CPNE4: variants seen among roughly 807,000 people sequenced by gnomAD.
The protein encoded by CPNE4 is copine 4.
A neutral mutation model predicts 67.9 loss-of-function variants in CPNE4; 25 were observed. The observed-to-expected ratio is 0.37, with a 90% CI of 0.27 to 0.51. The LOEUF is 0.51. CPNE4 is among the 20% of genes least tolerant of loss of function. The pLI, the probability that CPNE4 is intolerant of heterozygous loss-of-function variation, is 0.93. For synonymous variants in CPNE4, 242 were observed against 244.9 expected, an observed-to-expected ratio of 0.99 and a Z score of 0.11; for missense variants, 464 against 690.8, an observed-to-expected ratio of 0.67 and a Z score of 3.68.
upstream of CPNE4, among the ~76,000 whole-genome samples, chr3:132,036,398 C>T (rs2074339646): frequency 2.2e-5 from 2 of 90,660 alleles, no homozygotes; most frequent in Admixed American, 2.3e-4. Context: ...CAGGATGGAG[C>T]CCCACCTGAT....
At chr3:131,670,819 T>G (rs199639595) in intron 6 of CPNE4, among the ~76,000 whole-genome samples, 5 of 151,752 alleles carry the variant, frequency 3.3e-5, no homozygotes, top group Non-Finnish European at 5.9e-5. Context: ...ATTTTTTGTT[T>G]TTTTTTTTTG....
At position 131,723,543 on chromosome 3, in the gene CPNE4, A is replaced by G. The variant is rs1467161024; in HGVS notation, c.263T>C (p.Val88Ala). The G allele has an allele frequency of 3.7e-6, 6 of 1,613,968 alleles. No individual in the cohort carries two copies. The African/African-American group carries it at 5.3e-5, about 14-fold the overall frequency. Residue 88 changes from valine to alanine, a missense_variant, in exon 3 of 16, where the codon GTG (valine) becomes GCG (alanine). By Grantham distance (64) the Val-to-Ala change is moderately conservative. This residue lies in a region of CPNE4 where 170 missense variants were observed against 203.3 expected (regional missense o/e 0.84). Transcript: ENST00000429747. ...ATGGACTTCAAACCGCAGGCGCTGCACCTCCTCAAAGTAAAAGTCCACAGT... is the reference window on the plus strand; with the variant it reads ...ATGGACTTCAAACCGCAGGCGCTGCGCCTCCTCAAAGTAAAAGTCCACAGT... ...LFTVDFYFEE[V>A]QRLRFEVHDI...
chr3:131,708,508 A>C (rs2081469970), intron 3 of CPNE4, among the ~76,000 whole-genome samples: 1 of 152,138 alleles, frequency 6.6e-6, no homozygotes. Context: ...TGTATAAAGA[A>C]AGAAAAGGGT....
intron 2 of CPNE4, among the ~76,000 whole-genome samples, chr3:131,838,846 CAT>C (rs1231011688): frequency 1.3e-5 from 2 of 151,454 alleles, no homozygotes; most frequent in East Asian, 3.9e-4. Context: ...TATATATGCA[CAT>C]ATGTGAATGT....
At chr3:131,764,069 T>A (rs1196631662) in intron 2 of CPNE4, among the ~76,000 whole-genome samples, 1 of 152,106 alleles carries the variant, frequency 6.6e-6, no homozygotes, top group Non-Finnish European at 1.5e-5. Flanking sequence ...ATTTAATAAC[T>A]TGCCCAAAGT....
intron 7 of CPNE4, among the ~76,000 whole-genome samples, chr3:131,622,041 A>G (rs1940505497): frequency 6.7e-6 from 1 of 148,698 alleles, no homozygotes; most frequent in African/African-American, 2.5e-5. Flanking sequence ...AAAAAAAAAG[A>G]AAAGAAAAAA....
chr3:131,711,312 T>C (rs999479361), intron 3 of CPNE4, among the ~76,000 whole-genome samples: 1 of 152,196 alleles, frequency 6.6e-6, no homozygotes, highest in African/African-American at 2.4e-5. Context: ...TGCTTTTGTC[T>C]TCTCAATTTT....
chr3:131,803,911 A>G (rs1017328122), intron 2 of CPNE4, among the ~76,000 whole-genome samples: 1 of 152,222 alleles, frequency 6.6e-6, no homozygotes, highest in Non-Finnish European at 1.5e-5. Context: ...TAAAGTTCTT[A>G]TTAAGGTTTG....
chr3:131,604,681 G>A (rs1939398526), intron 7 of CPNE4, among the ~76,000 whole-genome samples: 2 of 152,052 alleles, frequency 1.3e-5, no homozygotes, highest in Admixed American at 1.3e-4. Flanking sequence ...TTTGGAACTC[G>A]GACTGGCTCT....
At chr3:131,660,620 G>C (rs944875202) in intron 7 of CPNE4, among the ~76,000 whole-genome samples, 2 of 152,124 alleles carry the variant, frequency 1.3e-5, no homozygotes, top group Non-Finnish European at 2.9e-5. Context: ...TGGAGTTTAG[G>C]TTCCAGAGTC....
At chr3:131,660,077 G>A (rs1460127441) in intron 7 of CPNE4, among the ~76,000 whole-genome samples, 1 of 152,054 alleles carries the variant, frequency 6.6e-6, no homozygotes, top group Non-Finnish European at 1.5e-5. Flanking sequence ...CACCATCTTT[G>A]TCCAGAACTT....
chr3:132,034,797 C>T lies in CPNE4; in HGVS notation c.-232G>A. On this transcript the variant is annotated 5_prime_UTR_variant, in exon 1 of 16. Transcript: ENST00000429747. ...TTCGGTCTCTCCGGAAACCCTGACT[C>T]CATTCTCGGTGATGGGGGTGGGGGA... 1.0e-6 allele frequency: 1 copy of T among 985,212 alleles called. No homozygotes were observed. Among genetic ancestry groups the T allele is most frequent in the Non-Finnish European group, 1.2e-6 (1 of 830,064 alleles). 61.0% of individuals were successfully genotyped at this position (985,212 alleles called of 1,614,324 possible).
intron 7 of CPNE4, among the ~76,000 whole-genome samples, chr3:131,600,665 A>G (rs1939153359): frequency 6.6e-6 from 1 of 152,180 alleles, no homozygotes; most frequent in Non-Finnish European, 1.5e-5. Flanking sequence ...CATCTAGGGC[A>G]TAACATCTGT....
chr3:131,718,340 C>T (rs1384865277), intron 3 of CPNE4, among the ~76,000 whole-genome samples: 1 of 152,128 alleles, frequency 6.6e-6, no homozygotes, highest in Non-Finnish European at 1.5e-5. Context: ...GTTAGGACCT[C>T]AGTGCATCAA....
intron 1 of CPNE4, among the ~76,000 whole-genome samples, chr3:131,975,046 C>T (rs1380796336): frequency 6.6e-6 from 1 of 152,010 alleles, no homozygotes; most frequent in Non-Finnish European, 1.5e-5. Context: ...GAAATAAAGA[C>T]AGAGAACCAT....
intron 2 of CPNE4, among the ~76,000 whole-genome samples, chr3:131,900,719 G>T (rs1159266567): frequency 6.6e-6 from 1 of 151,968 alleles, no homozygotes; most frequent in African/African-American, 2.4e-5. Flanking sequence ...ATAAGTGGAT[G>T]GATATTGTGA....
chr3:131,993,472 C>CAAA (rs58116331), intron 1 of CPNE4, among the ~76,000 whole-genome samples: 25,076 of 60,210 alleles, frequency 0.42, 7,303 homozygotes, highest in South Asian at 0.58. Flanking sequence ...GCAGGAGTGG[C>CAAA]AAAAAAAAAA....
At chr3:131,580,783 T>C (rs1292830089) in intron 9 of CPNE4, among the ~76,000 whole-genome samples, 1 of 152,192 alleles carries the variant, frequency 6.6e-6, no homozygotes, top group Admixed American at 6.5e-5. Flanking sequence ...CTCTGCAAAG[T>C]TGTAGCCCCT....
chr3:131,914,616 G>C (rs768445408), intron 1 of CPNE4, among the ~76,000 whole-genome samples: 32 of 145,790 alleles, frequency 2.2e-4, no homozygotes, highest in Non-Finnish European at 4.2e-4. Flanking sequence ...GGGAAAAGGA[G>C]AAAAGCTGTA....
Sources: gnomAD v4.1 joint callset for allele counts (sites outside exome capture counted in the v4.1 genomes callset) on GRCh38, gnomAD v4.1.1 for gene constraint, gnomAD v4.1.1 regional missense constraint, MANE v1.5 for transcripts, NCBI Gene and HGNC (gene_info 2026-07-23, HGNC 2026-07-21) for gene names.